Variants in RIMS1 observed in about 807,000 individuals in gnomAD.
RIMS1 encodes the protein regulating synaptic membrane exocytosis protein 1.
Under a neutral mutation model 214.1 loss-of-function variants are expected in RIMS1, and 83 were observed. The observed-to-expected ratio is 0.39, with a 90% CI of 0.32 to 0.47. The LOEUF (loss-of-function observed/expected upper bound fraction) is 0.47. RIMS1 is among the 20% of genes least tolerant of loss of function. RIMS1 has a pLI of 0.99. For missense variants in RIMS1, 2,050 were observed against 2,161.8 expected (o/e 0.95, Z 1.03); for synonymous variants, 793 against 786.8 (o/e 1.01, Z -0.13).
At chr6:72,189,827 C>A (rs2463724) in intron 6 of RIMS1, among the ~76,000 whole-genome samples, 25 of 152,166 alleles carry the variant, frequency 1.6e-4, no homozygotes, top group African/African-American at 5.8e-4. Flanking sequence ...GTTGTCCACA[C>A]AACGAGTGAT....
chr6:72,175,737 A>G (rs1422940755), intron 4 of RIMS1, among the ~76,000 whole-genome samples: 1 of 152,084 alleles, frequency 6.6e-6, no homozygotes, highest in Non-Finnish European at 1.5e-5. Context: ...AATATCATCA[A>G]GAATAAATCA....
At chr6:72,109,053 G>A (rs1359879234) in intron 4 of RIMS1, among the ~76,000 whole-genome samples, 1 of 151,994 alleles carries the variant, frequency 6.6e-6, no homozygotes, top group African/African-American at 2.4e-5. Flanking sequence ...TGGCTGCATA[G>A]TATTCCATGA....
intron 1 of RIMS1, among the ~76,000 whole-genome samples, chr6:71,949,866 T>G (rs1202177228): frequency 1.3e-5 from 2 of 152,192 alleles, no homozygotes; most frequent in African/African-American, 4.8e-5. Flanking sequence ...CCTAGGTATT[T>G]ACTAGGGAGA....
chr6:72,108,856 C>T (rs932653077), intron 4 of RIMS1, among the ~76,000 whole-genome samples: 1 of 117,332 alleles, frequency 8.5e-6, no homozygotes, highest in African/African-American at 3.2e-5. Flanking sequence ...CCCCCTCCCC[C>T]CACCCCACCA....
chr6:71,967,195 T>C (rs922820121), intron 1 of RIMS1, among the ~76,000 whole-genome samples: 10 of 152,122 alleles, frequency 6.6e-5, no homozygotes, highest in Non-Finnish European at 1.5e-4. Context: ...GAGACCATCC[T>C]GGCTAACATG....
At chr6:72,390,775 G>A (rs761517713) in intron 30 of RIMS1, 39 bp downstream of exon 30, 1 of 1,607,494 alleles carries the variant, frequency 6.2e-7, no homozygotes, top group Admixed American at 1.7e-5. Flanking sequence ...TGTGGAACCA[G>A]GAATTGTGTA....
In RIMS1 at chr6:72,402,266, A is replaced by C. The variant is rs569141943; in HGVS notation, c.*1552A>C. 2 of 152,790 alleles carry C rather than the reference A, an allele frequency of 1.3e-5. No individual in the cohort carries two copies. Among genetic ancestry groups the C allele is most frequent in the African/African-American group, 4.8e-5 (2 of 41,580 alleles). The allele number at this position is 152,790 out of a possible 1,614,324, so 9.5% of individuals were successfully genotyped here. ...ATGTACTTGTACAGTTTGCTTGTTA[A>C]TTACTATACCGAAATAACCAAGAAA... is the stretch of plus-strand genomic sequence containing the variant. On this transcript the variant is annotated 3_prime_UTR_variant, in exon 34 of 34. Coordinates refer to ENST00000521978, the MANE Select transcript of RIMS1 (RefSeq NM_014989.7).
At chr6:72,110,293 A>G (rs1442658478) in intron 4 of RIMS1, among the ~76,000 whole-genome samples, 2 of 152,196 alleles carry the variant, frequency 1.3e-5, no homozygotes, top group South Asian at 2.1e-4. Context: ...TACCTTGGGC[A>G]GTATGGCCAT....
chr6:72,063,067 A>G (rs759544164), intron 2 of RIMS1, among the ~76,000 whole-genome samples: 2 of 152,198 alleles, frequency 1.3e-5, no homozygotes, highest in Non-Finnish European at 2.9e-5. Context: ...AATTCAACCC[A>G]TAACAACAGA....
intron 4 of RIMS1, among the ~76,000 whole-genome samples, chr6:72,113,265 A>T (rs1283886582): frequency 6.6e-6 from 1 of 152,086 alleles, no homozygotes; most frequent in East Asian, 1.9e-4. Flanking sequence ...TCCGTCTTGG[A>T]TCATGGATTG....
At chr6:71,968,948 T>G in intron 1 of RIMS1, 35 bp from the exon 2 acceptor site, 1 of 1,572,026 alleles carries the variant, frequency 6.4e-7, no homozygotes, top group Non-Finnish European at 8.8e-7. Context: ...TTTTTATAAT[T>G]AATAGTGCGT....
At chr6:71,963,691 C>G (rs1793628232) in intron 1 of RIMS1, among the ~76,000 whole-genome samples, 1 of 152,078 alleles carries the variant, frequency 6.6e-6, no homozygotes, top group African/African-American at 2.4e-5. Context: ...GTTACTCAAA[C>G]CATATGAACA....
intron 4 of RIMS1, among the ~76,000 whole-genome samples, chr6:72,105,185 T>C (rs979048004): frequency 1.3e-5 from 2 of 152,166 alleles, no homozygotes; most frequent in Non-Finnish European, 2.9e-5. Flanking sequence ...CCTCCTGCTT[T>C]GGCCTCCCAA....
chr6:72,397,590 TCAAAA>T (rs1187474328), intron 31 of RIMS1, among the ~76,000 whole-genome samples: 4 of 152,156 alleles, frequency 2.6e-5, no homozygotes, highest in Non-Finnish European at 4.4e-5. Flanking sequence ...AATTTGATGT[TCAAAA>T]AATAACTGAT....
chr6:72,177,090 A>T (rs371354198), intron 4 of RIMS1, among the ~76,000 whole-genome samples: 1 of 152,200 alleles, frequency 6.6e-6, no homozygotes, highest in Non-Finnish European at 1.5e-5. Flanking sequence ...TTTACCCTTC[A>T]TCAGTATTAT....
chr6:72,281,929 A>G (rs2090296419), intron 23 of RIMS1, among the ~76,000 whole-genome samples: 1 of 152,056 alleles, frequency 6.6e-6, no homozygotes, highest in African/African-American at 2.4e-5. Context: ...GTATCAACAA[A>G]GTGTACATTT....
intron 1 of RIMS1, among the ~76,000 whole-genome samples, chr6:71,937,093 T>C (rs1784676596): frequency 6.6e-6 from 1 of 151,686 alleles, no homozygotes; most frequent in South Asian, 2.1e-4. Flanking sequence ...CTGCTTCAAC[T>C]TACCTGTGTA....
intron 11 of RIMS1, among the ~76,000 whole-genome samples, chr6:72,247,546 A>AC (rs906673230): frequency 1.3e-5 from 2 of 151,988 alleles, no homozygotes; most frequent in Non-Finnish European, 2.9e-5. Context: ...AAAAAAAAAA[A>AC]AAAAAAAAAC....
intron 1 of RIMS1, among the ~76,000 whole-genome samples, chr6:71,888,239 C>T (rs1768445434): frequency 6.6e-6 from 1 of 152,144 alleles, no homozygotes; most frequent in Non-Finnish European, 1.5e-5. Context: ...TTCAACCCTG[C>T]CTTTTCTTGG....
Sources: allele counts gnomAD v4.1 joint callset (sites outside exome capture counted in the v4.1 genomes callset), GRCh38; gene constraint gnomAD v4.1.1; transcripts MANE v1.5; gene names NCBI Gene and HGNC (gene_info 2026-07-23, HGNC 2026-07-21).